The following PCNT variants were observed in gnomAD, a reference collection of about 807,000 sequenced individuals.
PCNT encodes kendrin.
In PCNT, 319 loss-of-function variants were observed where a neutral mutation model predicts 380.4. The ratio of observed to expected loss-of-function variants is 0.84; its 90% CI spans 0.77 to 0.92. PCNT has a LOEUF of 0.92. PCNT is among the 40% of genes least tolerant of loss of function. The pLI, the probability that PCNT is intolerant of heterozygous loss-of-function variation, is 0.00. For synonymous variants in PCNT, 1,845 were observed against 1,735.2 expected (o/e 1.06, Z -1.57); for missense variants, 4,400 against 4,255.3 (o/e 1.03, Z -0.95).
intron 13 of PCNT, among the ~76,000 whole-genome samples, chr21:46,359,505 T>TTTTTTTTTTTTTTTTTTTTTTC (rs1366973325): frequency 8.0e-6 from 1 of 124,962 alleles, no homozygotes; most frequent in Non-Finnish European, 1.8e-5. Flanking sequence ...TTTTTTTTTT[T>TTTTTTTTTTTTTTTTTTTTTTC]TTGAGACAGT....
At chr21:46,401,504 G>A (rs1355529496) in intron 25 of PCNT, 47 bp from the exon 26 acceptor site, 7 of 1,512,316 alleles carry the variant, frequency 4.6e-6, no homozygotes, top group Non-Finnish European at 6.4e-6. Context: ...TTGAGGTACT[G>A]AATTCCCAAA....
At chr21:46,389,123 C>A in intron 18 of PCNT, 76 bp from the exon 19 acceptor site, 1 of 1,454,836 alleles carries the variant, frequency 6.9e-7, no homozygotes, top group East Asian at 2.3e-5. Context: ...CTGTGGCTTC[C>A]TTGTCGTCTT....
intron 16 of PCNT, among the ~76,000 whole-genome samples, chr21:46,383,417 A>G (rs1309146201): frequency 7.0e-6 from 1 of 143,378 alleles, no homozygotes; most frequent in Non-Finnish European, 1.5e-5. Context: ...GGTGTTGTGC[A>G]TTCAGTGGCA....
At chr21:46,368,833 G>A (rs1190472999) in intron 15 of PCNT, among the ~76,000 whole-genome samples, 1 of 152,216 alleles carries the variant, frequency 6.6e-6, no homozygotes, top group Non-Finnish European at 1.5e-5. Context: ...CGTTTAAGAA[G>A]TACACGTTCC....
rs118168698 is a variant in PCNT at position 46,357,532 on chromosome 21, C to G, written c.2154+341C>G. On this transcript the variant is annotated intron_variant, in intron 13 of 46. Transcript: ENST00000359568. ...TCTCAGCTCACTGCAACCTCTGCTT[C>G]CTGATTTCAAGTGGTCCCCTGATAG... is the stretch of plus-strand genomic sequence containing the variant. Among the ~76,000 whole-genome samples, 67 of 152,316 alleles carry G rather than the reference C, an allele frequency of 4.4e-4. No individual in the cohort carries two copies. The East Asian group carries it at 0.012, about 28-fold the overall frequency.
In PCNT at chr21:46,366,790, G is replaced by A; in HGVS notation, c.2816G>A (p.Gly939Glu). The A allele has an allele frequency of 2.5e-6, 4 of 1,613,764 alleles. No homozygotes were observed. The highest frequency in any genetic ancestry group is 3.4e-6 in the Non-Finnish European group (4 of 1,180,050). ...ELTASLESKQGALLAARVAEL... is the reference protein window; with the variant it reads ...ELTASLESKQEALLAARVAEL... ...ACAGCCTCCTTAGAGAGCAAGCAGG[G>A]GGCTCTGCTGGCTGCACGTGTGGCC... Residue 939 changes from glycine (G) to glutamate (E), a missense_variant, in exon 15 of 47, where the codon GGG becomes GAG. Gly to Glu is a moderately conservative substitution (Grantham distance 98). Coordinates refer to ENST00000359568, the MANE Select transcript of PCNT (RefSeq NM_006031.6).
chr21:46,380,331 T>G (rs1417660613), intron 15 of PCNT, among the ~76,000 whole-genome samples: 3 of 150,848 alleles, frequency 2.0e-5, no homozygotes, highest in African/African-American at 7.4e-5. Context: ...CCAGCTAATT[T>G]TTGTATTTTT....
chr21:46,371,732 C>T (rs1361811191), intron 15 of PCNT, among the ~76,000 whole-genome samples: 2 of 152,218 alleles, frequency 1.3e-5, no homozygotes, highest in Admixed American at 6.5e-5. Context: ...CGTGCACCTG[C>T]CCCATCCAGG....
intron 19 of PCNT, 29 bp from the exon 20 acceptor site, chr21:46,390,641 A>G: frequency 6.2e-7 from 1 of 1,611,782 alleles, no homozygotes; most frequent in Non-Finnish European, 8.5e-7. Context: ...TTTGATCTGG[A>G]GTTTTGATTT....
chr21:46,409,318 A>G (rs2086713406), intron 27 of PCNT, among the ~76,000 whole-genome samples: 1 of 149,276 alleles, frequency 6.7e-6, no homozygotes, highest in South Asian at 2.1e-4. Context: ...CCTCCTGAGT[A>G]GCTGGGATTA....
chr21:46,325,659 T>C (rs905652649), intron 1 of PCNT, among the ~76,000 whole-genome samples: 3 of 152,230 alleles, frequency 2.0e-5, no homozygotes, highest in African/African-American at 7.2e-5. Flanking sequence ...CACAGTTGTC[T>C]TTTGAGGGAA....
In PCNT at chr21:46,388,842, C is replaced by G; in HGVS notation, c.3565C>G (p.Leu1189Val). 6.2e-7 allele frequency: 1 copy of G among 1,611,578 alleles called. No homozygotes were observed. Among genetic ancestry groups the G allele is most frequent in the Middle Eastern group, 1.8e-4 (1 of 5,418 alleles). The change falls in exon 18 of 47, where the codon CTC becomes GTC. Residue 1189 changes from leucine (L) to valine (V), a missense_variant. By Grantham distance (32) the Leu-to-Val change is conservative. Transcript: ENST00000359568. This position sits in a 1 kb window ranked among gnomAD's most constrained non-coding sequence, Gnocchi z 4.2. ...GAGCCGGATCGGGGAGCGCGTGGGGCTCTGCCTGGATGACGCGGGCGCAGG... is the reference window on the plus strand; with the variant it reads ...GAGCCGGATCGGGGAGCGCGTGGGGGTCTGCCTGGATGACGCGGGCGCAGG... ...LRSRIGERVG[L>V]CLDDAGAGLA...
intron 31 of PCNT, among the ~76,000 whole-genome samples, chr21:46,421,247 C>T (rs762918437): frequency 1.6e-4 from 25 of 152,234 alleles, no homozygotes; most frequent in East Asian, 1.9e-4. Flanking sequence ...CTGCAGCCTC[C>T]GCTCCCCAGG....
At chr21:46,373,302 C>G (rs1251901361) in intron 15 of PCNT, among the ~76,000 whole-genome samples, 2 of 152,178 alleles carry the variant, frequency 1.3e-5, no homozygotes, top group Non-Finnish European at 2.9e-5. Context: ...TAGGCGTGAG[C>G]CGCGCCTGGC....
At chr21:46,427,543 G>A (rs1267611290) in intron 33 of PCNT, 79 bp from the exon 34 acceptor site, 3 of 1,551,278 alleles carry the variant, frequency 1.9e-6, no homozygotes, top group Non-Finnish European at 1.8e-6. Flanking sequence ...ATCTCCAAAC[G>A]CAGTCACACT....
chr21:46,422,225 A>G (rs2087283292), intron 32 of PCNT, 101 bp downstream of exon 32: 7 of 1,449,896 alleles, frequency 4.8e-6, no homozygotes, highest in African/African-American at 1.4e-5. Flanking sequence ...TTGGAGGGCC[A>G]GCTTTTCCTG....
At chr21:46,356,893 G>C in intron 12 of PCNT, 81 bp from the exon 13 acceptor site, 1 of 1,140,788 alleles carries the variant, frequency 8.8e-7, no homozygotes. Context: ...TTTATAGGTT[G>C]CCGTTCTGCC....
chr21:46,441,426 C>G (rs1485814852), intron 43 of PCNT, among the ~76,000 whole-genome samples: 1 of 152,184 alleles, frequency 6.6e-6, no homozygotes, highest in East Asian at 1.9e-4. Flanking sequence ...CTCCCTGATG[C>G]CACAGAGGTG....
At chr21:46,430,775 C>A in intron 37 of PCNT, 118 bp downstream of exon 37, 1 of 1,535,174 alleles carries the variant, frequency 6.5e-7, no homozygotes, top group South Asian at 1.2e-5. Flanking sequence ...CAGTTGACAG[C>A]AGTGTGACGT....
Sources: gnomAD v4.1 joint callset for allele counts (sites outside exome capture counted in the v4.1 genomes callset) on GRCh38, gnomAD v4.1.1 for gene constraint, Gnocchi (gnomAD v3.1) non-coding constraint, MANE v1.5 for transcripts, NCBI Gene and HGNC (gene_info 2026-07-23, HGNC 2026-07-21) for gene names.